The following NUP210 variants were observed in gnomAD, a reference collection of about 807,000 sequenced individuals.
NUP210 encodes the protein nucleoporin 210, also known as nuclear pore membrane glycoprotein 210.
A neutral mutation model predicts 196.0 loss-of-function variants in NUP210; 151 were observed. The ratio of observed to expected loss-of-function variants is 0.77; its 90% CI spans 0.67 to 0.88. NUP210 has a LOEUF of 0.88. Ranked by LOEUF, NUP210 falls within the 40% of genes least tolerant of loss-of-function variation. The probability of loss-of-function intolerance (pLI) is 0.00; values close to 1 mark genes in which losing one functional copy is unlikely to be tolerated. For synonymous variants in NUP210, 1,070 were observed against 1,052.7 expected (o/e 1.02, Z -0.32); for missense variants, 2,314 against 2,493.7 (o/e 0.93, Z 1.53).
chr3:13,372,158 G>C, intron 12 of NUP210, 126 bp from the exon 13 acceptor site: 1 of 897,052 alleles, frequency 1.1e-6, no homozygotes, highest in Non-Finnish European at 1.7e-6. Context: ...GCCTGTCACG[G>C]GCAGTGGGGT....
At chr3:13,381,216 G>A (rs376966234) in intron 6 of NUP210, among the ~76,000 whole-genome samples, 25 of 152,328 alleles carry the variant, frequency 1.6e-4, no homozygotes, top group African/African-American at 5.1e-4. Flanking sequence ...ACTTTATACT[G>A]ATTAATGAAG....
At chr3:13,337,353 C>A (rs944783853) in intron 26 of NUP210, among the ~76,000 whole-genome samples, 1 of 152,166 alleles carries the variant, frequency 6.6e-6, no homozygotes, top group African/African-American at 2.4e-5. Context: ...AGGGCACAGG[C>A]GGAGGCAAGA....
At chr3:13,400,233 C>T (rs1379716485) in intron 1 of NUP210, among the ~76,000 whole-genome samples, 1 of 152,178 alleles carries the variant, frequency 6.6e-6, no homozygotes, top group South Asian at 2.1e-4. Flanking sequence ...ATGAGGGACA[C>T]GTTGCACAGG....
chr3:13,371,118 G>A (rs1457519361), intron 13 of NUP210, among the ~76,000 whole-genome samples: 1 of 152,158 alleles, frequency 6.6e-6, no homozygotes, highest in Non-Finnish European at 1.5e-5. Context: ...CTTCTTCTTC[G>A]GCAAATCAGA....
Position 13,375,618 on chromosome 3 carries a change from C to T in NUP210, c.1317G>A (p.Gln439=), listed in dbSNP as rs143611066. 2.9e-5 allele frequency: 47 copies of T among 1,613,894 alleles called. No individual in the cohort carries two copies. The African/African-American group carries it at 4.8e-4, about 17-fold the overall frequency. Residue 439 remains glutamine, a synonymous_variant, in exon 11 of 40, where the codon CAG becomes CAA. Transcript: ENST00000254508. Reference sequence around the variant, plus strand: ...CCTCCTGCTGGTTCCACACAGGCACCTGTAGTATGTGGACCCCTCCATCCT... The same window carrying T: ...CCTCCTGCTGGTTCCACACAGGCACTTGTAGTATGTGGACCCCTCCATCCT... ...VDQDGGVHIL[Q]VPVWNQQEVE...
chr3:13,409,339 CATGG>C (rs1254519672), intron 1 of NUP210, among the ~76,000 whole-genome samples: 1 of 152,208 alleles, frequency 6.6e-6, no homozygotes, highest in Non-Finnish European at 1.5e-5. Context: ...TCTGAGCCCT[CATGG>C]ATGGACTAAG....
intron 5 of NUP210, among the ~76,000 whole-genome samples, chr3:13,387,181 T>C (rs1699305385): frequency 6.6e-6 from 1 of 152,260 alleles, no homozygotes; most frequent in South Asian, 2.1e-4. Flanking sequence ...TGGTGTCCTG[T>C]GGCAACTCTT....
intron 15 of NUP210, among the ~76,000 whole-genome samples, chr3:13,359,497 G>C (rs992547540): frequency 3.3e-5 from 5 of 152,192 alleles, no homozygotes; most frequent in African/African-American, 1.2e-4. Flanking sequence ...ACCGTGGGAG[G>C]CATGCATGTG....
intron 14 of NUP210, among the ~76,000 whole-genome samples, chr3:13,361,569 G>A (rs749425085): frequency 2.0e-4 from 30 of 152,088 alleles, no homozygotes; most frequent in Non-Finnish European, 3.7e-4. Context: ...GAGGGGTCCC[G>A]CAGTCCTGCT....
chr3:13,363,680 T>C (rs989542147), intron 14 of NUP210, among the ~76,000 whole-genome samples: 2 of 152,240 alleles, frequency 1.3e-5, no homozygotes, highest in African/African-American at 2.4e-5. Flanking sequence ...TTGGCTTTTG[T>C]TCCTTGTAAA....
In NUP210 at chr3:13,363,095, C is replaced by A. The variant is rs116372550; in HGVS notation, c.1933-2604G>T. Among the ~76,000 whole-genome samples the A allele has an allele frequency of 1.7e-3, 261 of 152,304 alleles. 2 individuals carry two copies. The highest frequency in any genetic ancestry group is 5.9e-3 in the African/African-American group (246 of 41,568). ...GGGTACAATGATAATGCCTACCTCG[C>A]GGTGCTACTGTTGTGATTCAGGGGC... is the stretch of plus-strand genomic sequence containing the variant. On this transcript the variant is annotated intron_variant, in intron 14 of 39. Transcript: ENST00000254508.
At chr3:13,384,382 A>G (rs1258478694) in intron 6 of NUP210, among the ~76,000 whole-genome samples, 2 of 152,198 alleles carry the variant, frequency 1.3e-5, no homozygotes, top group African/African-American at 4.8e-5. Flanking sequence ...TGTGAGCTTC[A>G]GGTCTTCTAT....
chr3:13,329,840 G>C (rs1576348384), intron 30 of NUP210, among the ~76,000 whole-genome samples: 2 of 152,196 alleles, frequency 1.3e-5, no homozygotes, highest in East Asian at 3.8e-4. Flanking sequence ...GAACGGCAGA[G>C]GGCAGTGCCA....
At chr3:13,399,636 C>A in intron 2 of NUP210, 89 bp downstream of exon 2, 1 of 1,568,040 alleles carries the variant, frequency 6.4e-7, no homozygotes, top group Non-Finnish European at 8.7e-7. Context: ...CTGCCATGGG[C>A]TCAGGTAGCC....
intron 34 of NUP210, 75 bp from the exon 35 acceptor site, chr3:13,322,414 G>A: frequency 6.6e-7 from 1 of 1,524,376 alleles, no homozygotes; most frequent in Admixed American, 1.9e-5. Flanking sequence ...GGCCTGCACA[G>A]GCTGGCTGGG....
intron 3 of NUP210, among the ~76,000 whole-genome samples, chr3:13,396,495 C>A (rs1344958440): frequency 6.6e-6 from 1 of 151,542 alleles, no homozygotes; most frequent in Non-Finnish European, 1.5e-5. Flanking sequence ...TGTGTGTAAT[C>A]CCAGCACTTT....
chr3:13,342,404 A>G (rs776296336), intron 21 of NUP210, among the ~76,000 whole-genome samples: 12 of 152,256 alleles, frequency 7.9e-5, no homozygotes, highest in Non-Finnish European at 1.6e-4. Flanking sequence ...AGCAGCATCC[A>G]GTAGGAGCTC....
Position 13,341,728 on chromosome 3 carries a change from G to A in NUP210, c.3228+20C>T. 2 of 1,613,956 alleles carry A rather than the reference G, an allele frequency of 1.2e-6. No homozygotes were observed. The highest frequency in any genetic ancestry group is 1.7e-6 in the Non-Finnish European group (2 of 1,179,878). ...CAGCACTGGGCTGATCCCACATGGTGTGGGAAGAACTCGTCTTACTTCAAT... is the reference window on the plus strand; with the variant it reads ...CAGCACTGGGCTGATCCCACATGGTATGGGAAGAACTCGTCTTACTTCAAT... On this transcript the variant is annotated intron_variant, in intron 23 of 39. Coordinates refer to ENST00000254508, the MANE Select transcript of NUP210 (RefSeq NM_024923.4).
chr3:13,354,230 G>T, intron 16 of NUP210, 123 bp from the exon 17 acceptor site: 1 of 804,588 alleles, frequency 1.2e-6, no homozygotes, highest in Non-Finnish European at 2.0e-6. Context: ...GTGAGGGAAT[G>T]GGATATGCCA....
Sources: gnomAD v4.1 joint callset for allele counts (sites outside exome capture counted in the v4.1 genomes callset) on GRCh38, gnomAD v4.1.1 for gene constraint, MANE v1.5 for transcripts, NCBI Gene and HGNC (gene_info 2026-07-23, HGNC 2026-07-21) for gene names.